Variants in EFCAB14 observed in about 807,000 individuals in gnomAD.
EFCAB14 encodes the protein EF-hand calcium binding domain 14, also known as EF-hand calcium-binding domain-containing protein 14.
Under a neutral mutation model 56.5 loss-of-function variants are expected in EFCAB14, and 43 were observed. That is an observed-to-expected ratio of 0.76 (90% CI 0.60 to 0.98). EFCAB14 has a LOEUF of 0.98. Among genes scored for constraint, EFCAB14 ranks in the 50% least tolerant of loss-of-function variants. The probability of loss-of-function intolerance (pLI) is 0.00; values close to 1 mark genes in which losing one functional copy is unlikely to be tolerated. For synonymous variants in EFCAB14, 235 were observed against 212.9 expected (o/e 1.10, Z -0.90); for missense variants, 538 against 580.3 (o/e 0.93, Z 0.75).
intron 7 of EFCAB14, among the ~76,000 whole-genome samples, chr1:46,687,814 G>A (rs1676910749): frequency 6.6e-6 from 1 of 152,142 alleles, no homozygotes; most frequent in Admixed American, 6.6e-5. Flanking sequence ...AAAATGAGGA[G>A]GTGAACTCAA....
chr1:46,689,799 G>T, intron 5 of EFCAB14, 108 bp from the exon 6 acceptor site: 2 of 904,440 alleles, frequency 2.2e-6, no homozygotes, highest in Non-Finnish European at 1.8e-6. Flanking sequence ...TGCATCCACA[G>T]ATTAATCAGT....
At position 46,712,439 on chromosome 1, in the gene EFCAB14, A is replaced by G. The variant is rs1355494466; in HGVS notation, c.334+3856T>C. Among the ~76,000 whole-genome samples the G allele has an allele frequency of 2.0e-5, 3 of 152,128 alleles. No individual in the cohort carries two copies. In the East Asian group the frequency reaches 5.8e-4, roughly 29 times the overall value. On this transcript the variant is annotated intron_variant, in intron 2 of 10. Coordinates refer to ENST00000371933, the MANE Select transcript of EFCAB14 (RefSeq NM_014774.3). ...AAAAGAATACTGAGCTAAGAGTTTC[A>G]GGGCCAGTCAGTACTTTTAGCTTAA...
rs1676692067 is a variant in EFCAB14 at position 46,676,192 on chromosome 1, G to A, written c.*2269C>T. The A allele has an allele frequency of 6.6e-6, 1 of 152,220 alleles. No homozygotes were observed. Among genetic ancestry groups the A allele is most frequent in the Non-Finnish European group, 1.5e-5 (1 of 68,056 alleles). 9.4% of individuals were successfully genotyped at this position (152,220 alleles called of 1,614,324 possible). The stretch of plus-strand genomic sequence containing the variant: ...TTGCCTGGAAGATGTACTTTCTCAG[G>A]CAGGATGACAAAAATATTCATAGAT... On this transcript the variant is annotated 3_prime_UTR_variant, in exon 11 of 11. Coordinates refer to ENST00000371933, the MANE Select transcript of EFCAB14 (RefSeq NM_014774.3).
In EFCAB14 at chr1:46,683,361, G is replaced by T. The variant is rs1252140568; in HGVS notation, c.1251C>A (p.Asp417Glu). The change falls in exon 10 of 11, where the codon GAC becomes GAA. Residue 417 changes from aspartate (D) to glutamate (E), a missense_variant. Asp to Glu is a conservative substitution (Grantham distance 45, BLOSUM62 2). Transcript: ENST00000371933. ...ALPKFSQFLGDPVEKAAQLRP... is the reference protein window; with the variant it reads ...ALPKFSQFLGEPVEKAAQLRP... Reference sequence around the variant, plus strand: ...TTAGTTGGGCAGCTTTCTCAACTGGGTCTCCAAGAAACTGTGAAAATTTTG... The same window carrying T: ...TTAGTTGGGCAGCTTTCTCAACTGGTTCTCCAAGAAACTGTGAAAATTTTG... 1.9e-6 allele frequency: 3 copies of T among 1,613,948 alleles called. No homozygotes were observed. The highest frequency in any genetic ancestry group is 2.7e-5 in the African/African-American group (2 of 74,914).
chr1:46,685,743 T>C (rs1676871040), intron 8 of EFCAB14, among the ~76,000 whole-genome samples: 1 of 152,232 alleles, frequency 6.6e-6, no homozygotes, highest in African/African-American at 2.4e-5. Flanking sequence ...CTGAAATTGC[T>C]ACTACTTTCT....
rs1677441778 is a variant in EFCAB14 at position 46,718,882 on chromosome 1, G to C, written c.-795C>G. On this transcript the variant is annotated 5_prime_UTR_variant, in exon 1 of 11. Transcript: ENST00000371933. ...GCCTTGGGGACACGGTGCCGCGGGC[G>C]ACGGCGGCTCGGCCGACCGAAAGCG... The C allele has an allele frequency of 6.6e-6, 1 of 152,502 alleles. No individual in the cohort carries two copies. Among genetic ancestry groups the C allele is most frequent in the Non-Finnish European group, 1.5e-5 (1 of 68,252 alleles). The allele number at this position is 152,502 out of a possible 1,614,324, so 9.4% of individuals were successfully genotyped here. A position where few individuals can be genotyped will look rare whatever the true frequency, so the allele number is the denominator to read the frequency against.
intron 10 of EFCAB14, chr1:46,682,253 C>T (rs1427815787): frequency 1.3e-5 from 2 of 152,130 alleles, no homozygotes; most frequent in Non-Finnish European, 2.9e-5. Context: ...GAGCCTAATC[C>T]AGTCACTGGA....
chr1:46,679,802 G>A (rs148860606), intron 10 of EFCAB14, among the ~76,000 whole-genome samples: 1,686 of 151,560 alleles, frequency 0.011, 31 homozygotes, highest in African/African-American at 0.039. Flanking sequence ...GTAGAGATGC[G>A]GTTTCATCAT....
rs1431903047 is a variant in EFCAB14, at chr1:46,678,306, T to C, written c.*155A>G. The C allele has an allele frequency of 7.0e-6, 4 of 572,494 alleles. No individual in the cohort carries two copies. Among genetic ancestry groups the C allele is most frequent in the African/African-American group, 1.9e-5 (1 of 51,382 alleles). The allele number at this position is 572,494 out of a possible 1,614,324, so 35.5% of individuals were successfully genotyped here. A position where few individuals can be genotyped will look rare whatever the true frequency, so the allele number is the denominator to read the frequency against. On this transcript the variant is annotated 3_prime_UTR_variant, in exon 11 of 11. Coordinates refer to ENST00000371933, the MANE Select transcript of EFCAB14 (RefSeq NM_014774.3). ...AAAATGGTCTTCTTCTTTAAAAAAA[T>C]AACTTTTATATAGCTTCTTCAAACA... is the stretch of plus-strand genomic sequence containing the variant.
chr1:46,718,025 C>T lies in EFCAB14; in HGVS notation c.63G>A (p.Lys21=). ...GGTGACTGCTTGGGCCTTTCTTGGG[C>T]TTCTTTCTCCGGCTGTCCCCAGCCA... ...IGLAGDSRRK[K]PKKGPSSHRL... The change falls in exon 1 of 11, where the codon AAG becomes AAA. Residue 21 remains lysine (K), a synonymous_variant. Transcript: ENST00000371933. 6.2e-7 allele frequency: 1 copy of T among 1,614,230 alleles called. No individual in the cohort carries two copies. Among genetic ancestry groups the T allele is most frequent in the Non-Finnish European group, 8.5e-7 (1 of 1,180,040 alleles).
In EFCAB14 at chr1:46,684,124, G is replaced by A. The variant is rs75180012; in HGVS notation, c.1186+367C>T. ...TTTTGTTAACGATTTTCAGAAGGGC[G>A]AATATTTATTTTTAAATACATGTTA... On this transcript the variant is annotated intron_variant, in intron 9 of 10. Coordinates refer to ENST00000371933, the MANE Select transcript of EFCAB14 (RefSeq NM_014774.3). The A allele has an allele frequency of 6.2e-3, 1,087 of 174,110 alleles. 13 individuals carry two copies. The highest frequency in any genetic ancestry group is 0.034 in the East Asian group (212 of 6,200). 10.8% of individuals were successfully genotyped at this position (174,110 alleles called of 1,614,324 possible).
rs1323348811 is a variant in EFCAB14, at chr1:46,684,414, C to G, written c.1186+77G>C. Reference sequence around the variant, plus strand: ...CTTGGTGCGATCAGTACTGCTGGAACACCTTCCCTGCTCCCCATGTGAGAG... The same window carrying G: ...CTTGGTGCGATCAGTACTGCTGGAAGACCTTCCCTGCTCCCCATGTGAGAG... On this transcript the variant is annotated intron_variant, in intron 9 of 10. Coordinates refer to ENST00000371933, the MANE Select transcript of EFCAB14 (RefSeq NM_014774.3). 3 of 1,188,162 alleles carry G rather than the reference C, an allele frequency of 2.5e-6. No homozygotes were observed. The Admixed American group carries it at 5.2e-5, about 21-fold the overall frequency. 73.6% of individuals were successfully genotyped at this position (1,188,162 alleles called of 1,614,324 possible). A position where few individuals can be genotyped will look rare whatever the true frequency, so the allele number is the denominator to read the frequency against.
chr1:46,712,423 C>G (rs1331882856), intron 2 of EFCAB14, among the ~76,000 whole-genome samples: 1 of 151,328 alleles, frequency 6.6e-6, no homozygotes, highest in African/African-American at 2.4e-5. Context: ...AAAAAGAATA[C>G]TGAGCTAAGA....
chr1:46,683,111 A>G (rs1676821238), intron 10 of EFCAB14, 189 bp downstream of exon 10: 1 of 559,356 alleles, frequency 1.8e-6, no homozygotes, highest in African/African-American at 1.9e-5. Flanking sequence ...TAAAATGGGT[A>G]TAATACATAA....
chr1:46,708,392 G>A (rs11805532), intron 2 of EFCAB14, among the ~76,000 whole-genome samples: 4 of 152,134 alleles, frequency 2.6e-5, no homozygotes, highest in Admixed American at 6.6e-5. Flanking sequence ...GTAATACAGC[G>A]ATAAAATATA....
In EFCAB14 at chr1:46,688,552, G is replaced by A; in HGVS notation, c.796-8C>T. On this transcript the variant is annotated splice_polypyrimidine_tract_variant and splice_region_variant and intron_variant, in intron 6 of 10. Transcript: ENST00000371933. ...GTGAAGGTACAGGATATCCTAGAGT[G>A]GAAATAAATAAAGTTATGGAATCCA... is the stretch of plus-strand genomic sequence containing the variant. The A allele has an allele frequency of 6.2e-7, 1 of 1,609,034 alleles. No individual in the cohort carries two copies. The highest frequency in any genetic ancestry group is 8.5e-7 in the Non-Finnish European group (1 of 1,177,498).
intron 5 of EFCAB14, among the ~76,000 whole-genome samples, chr1:46,691,453 C>T (rs746572811): frequency 6.6e-6 from 1 of 152,148 alleles, no homozygotes; most frequent in Admixed American, 6.6e-5. Flanking sequence ...TCCTGATGCA[C>T]AGAATAGTGA....
intron 2 of EFCAB14, among the ~76,000 whole-genome samples, chr1:46,715,422 C>T (rs533657449): frequency 3.3e-5 from 5 of 152,264 alleles, no homozygotes; most frequent in African/African-American, 4.8e-5. Context: ...CCCATCTCAC[C>T]GGATTATTTT....
intron 4 of EFCAB14, among the ~76,000 whole-genome samples, chr1:46,694,793 G>A (rs1219150393): frequency 1.3e-5 from 2 of 152,060 alleles, no homozygotes; most frequent in Non-Finnish European, 2.9e-5. Context: ...GTTTATTGCG[G>A]CACTATTCAC....
Sources: gnomAD v4.1 joint callset for allele counts (sites outside exome capture counted in the v4.1 genomes callset) on GRCh38, gnomAD v4.1.1 for gene constraint, MANE v1.5 for transcripts, NCBI Gene and HGNC (gene_info 2026-07-23, HGNC 2026-07-21) for gene names.